The following LNP1 variants were observed in gnomAD, a reference collection of about 807,000 sequenced individuals.
LNP1 encodes the protein leukemia NUP98 fusion partner 1.
A neutral mutation model predicts 14.5 loss-of-function variants in LNP1; 12 were observed. The ratio of observed to expected loss-of-function variants is 0.83; its 90% CI spans 0.53 to 1.34. The LOEUF is 1.34. Among genes scored for constraint, LNP1 ranks in the 40% most tolerant of loss-of-function variants. The probability of loss-of-function intolerance (pLI) is 0.00; values close to 1 mark genes in which losing one functional copy is unlikely to be tolerated. For missense variants in LNP1, 198 were observed against 210.9 expected (o/e 0.94, Z 0.38); for synonymous variants, 75 against 71.4 (o/e 1.05, Z -0.26).
intron 1 of LNP1, among the ~76,000 whole-genome samples, chr3:100,406,299 C>A (rs1001802052): frequency 9.9e-5 from 15 of 151,508 alleles, no homozygotes; most frequent in African/African-American, 3.2e-4. Context: ...AAAAAAAAAA[C>A]CTCTCAGGTG....
chr3:100,431,617 T>G (rs1310085893), intron 2 of LNP1, among the ~76,000 whole-genome samples: 1 of 152,140 alleles, frequency 6.6e-6, no homozygotes, highest in African/African-American at 2.4e-5. Flanking sequence ...AGTCTAATTC[T>G]TCATTCTTTG....
At chr3:100,428,814 A>G (rs1028706727) in intron 1 of LNP1, among the ~76,000 whole-genome samples, 1 of 152,230 alleles carries the variant, frequency 6.6e-6, no homozygotes, top group African/African-American at 2.4e-5. Flanking sequence ...TTGTTACTGC[A>G]AAAACATGGA....
chr3:100,455,922 A>C lies in LNP1; in HGVS notation c.533A>C (p.Glu178Ala), dbSNP rs761809427. Residue 178 changes from glutamate (E) to alanine (A), a missense_variant, in exon 4 of 4, where the codon GAA becomes GCA. Physicochemically the swap from Glu to Ala is moderately radical, Grantham distance 107. Transcript: ENST00000383693. ...HMAPLFEKGPE is the reference protein window; with the variant it reads ...HMAPLFEKGPA ...GCTCCCCTGTTTGAAAAAGGGCCTG[A>C]ATAATACTCTGCTTCTGCCTCATGA... 4 of 1,608,128 alleles carry C rather than the reference A, an allele frequency of 2.5e-6. No individual in the cohort carries two copies. Among genetic ancestry groups the C allele is most frequent in the Non-Finnish European group, 3.4e-6 (4 of 1,178,598 alleles).
intron 1 of LNP1, among the ~76,000 whole-genome samples, chr3:100,407,895 T>C (rs1706986478): frequency 1.3e-5 from 2 of 152,254 alleles, no homozygotes; most frequent in Admixed American, 1.3e-4. Flanking sequence ...ATTACATTTT[T>C]ACATTCATTG....
At chr3:100,433,427 C>T (rs566617879) in intron 2 of LNP1, among the ~76,000 whole-genome samples, 1 of 152,298 alleles carries the variant, frequency 6.6e-6, no homozygotes, top group South Asian at 2.1e-4. Flanking sequence ...CATGGTATTC[C>T]ATGGTGTATA....
At chr3:100,438,212 C>T (rs1449358448) in intron 2 of LNP1, among the ~76,000 whole-genome samples, 1 of 152,090 alleles carries the variant, frequency 6.6e-6, no homozygotes, top group East Asian at 1.9e-4. Flanking sequence ...TAAAGAACAT[C>T]GAGTAGTTAA....
chr3:100,412,752 T>G (rs1388609667), intron 1 of LNP1, among the ~76,000 whole-genome samples: 1 of 152,200 alleles, frequency 6.6e-6, no homozygotes, highest in African/African-American at 2.4e-5. Context: ...TCCTCACAAT[T>G]ACTGTATTGC....
intron 1 of LNP1, among the ~76,000 whole-genome samples, chr3:100,411,869 A>T (rs1485674026): frequency 6.6e-6 from 1 of 152,132 alleles, no homozygotes; most frequent in Non-Finnish European, 1.5e-5. Context: ...CAACATATGG[A>T]TTTTGGGGGA....
rs933055684 is a variant in LNP1 at position 100,432,995 on chromosome 3, C to T, written c.156+3110C>T. On this transcript the variant is annotated intron_variant, in intron 2 of 3. Coordinates refer to ENST00000383693, the MANE Select transcript of LNP1 (RefSeq NM_001085451.2). The stretch of plus-strand genomic sequence containing the variant: ...GGAAGTCACCATATGTACTTGCCCA[C>T]ATGATATACTTTGAAGGATACAGAA... Among the ~76,000 whole-genome samples, 6 of 152,296 alleles carry T rather than the reference C, an allele frequency of 3.9e-5. No homozygotes were observed. In the East Asian group the frequency reaches 1.2e-3, roughly 29 times the overall value.
Position 100,414,465 on chromosome 3 carries a change from T to G in LNP1, c.-34+12026T>G, listed in dbSNP as rs540174815. ...GGGAGACCGAGGCAGGAGAATCGCT[T>G]GAACCTGGGAGGCAGAGGTTGCAGT... On this transcript the variant is annotated intron_variant, in intron 1 of 3. Transcript: ENST00000383693. 9.2e-5 allele frequency among the ~76,000 whole-genome samples: 14 copies of G among 152,016 alleles called. No homozygotes were observed. In the South Asian group the frequency reaches 2.5e-3, roughly 27 times the overall value.
chr3:100,447,626 C>T (rs763906676), intron 2 of LNP1, among the ~76,000 whole-genome samples: 1 of 151,792 alleles, frequency 6.6e-6, no homozygotes, highest in Admixed American at 6.6e-5. Context: ...AAAAAAAAAT[C>T]CCTTTATTAT....
At chr3:100,432,233 A>G (rs1413491171) in intron 2 of LNP1, among the ~76,000 whole-genome samples, 1 of 151,702 alleles carries the variant, frequency 6.6e-6, no homozygotes, top group Non-Finnish European at 1.5e-5. Flanking sequence ...ATTAAGTATT[A>G]TATGCATAGG....
intron 1 of LNP1, among the ~76,000 whole-genome samples, chr3:100,419,070 G>C (rs571847225): frequency 2.0e-5 from 3 of 152,126 alleles, no homozygotes; most frequent in Non-Finnish European, 4.4e-5. Context: ...ACCTGCACTT[G>C]GGAGTAGGGC....
At chr3:100,441,118 T>A (rs1707339986) in intron 2 of LNP1, among the ~76,000 whole-genome samples, 1 of 152,100 alleles carries the variant, frequency 6.6e-6, no homozygotes, top group Non-Finnish European at 1.5e-5. Flanking sequence ...AGCTATGAGC[T>A]GATAGAAGGA....
chr3:100,445,705 G>A (rs960318015), intron 2 of LNP1, among the ~76,000 whole-genome samples: 5 of 152,002 alleles, frequency 3.3e-5, no homozygotes, highest in Non-Finnish European at 5.9e-5. Context: ...AAACCCCATC[G>A]TCTCAGCCCA....
chr3:100,434,270 A>G (rs1707270697), intron 2 of LNP1, among the ~76,000 whole-genome samples: 1 of 152,182 alleles, frequency 6.6e-6, no homozygotes, highest in South Asian at 2.1e-4. Context: ...GTCCAGTTTC[A>G]GTTTTCTGCA....
chr3:100,407,728 G>A (rs764786041), intron 1 of LNP1, among the ~76,000 whole-genome samples: 18 of 152,022 alleles, frequency 1.2e-4, no homozygotes, highest in African/African-American at 3.6e-4. Context: ...GGTAATTTGC[G>A]TATTTGCTCT....
intron 1 of LNP1, among the ~76,000 whole-genome samples, chr3:100,429,156 ACTC>A (rs770109327): frequency 6.6e-6 from 1 of 151,940 alleles, no homozygotes; most frequent in African/African-American, 2.4e-5. Context: ...TTAAAAAACT[ACTC>A]CTTTTGATCT....
At chr3:100,448,098 A>AGATT (rs58530015) in intron 2 of LNP1, among the ~76,000 whole-genome samples, 70,366 of 151,490 alleles carry the variant, frequency 0.46, 16,661 homozygotes, top group East Asian at 0.73. Flanking sequence ...TTGTTTACCT[A>AGATT]ATTTATGAAA....
Sources: gnomAD v4.1 joint callset for allele counts (sites outside exome capture counted in the v4.1 genomes callset) on GRCh38, gnomAD v4.1.1 for gene constraint, MANE v1.5 for transcripts, NCBI Gene and HGNC (gene_info 2026-07-23, HGNC 2026-07-21) for gene names.